Variants in IFT80 observed in about 807,000 individuals in gnomAD.
IFT80 encodes the protein intraflagellar transport 80.
IFT80 carries 79 observed loss-of-function variants against 107.9 expected under a neutral mutation model. That is an observed-to-expected ratio of 0.73 (90% CI 0.61 to 0.88). The LOEUF (loss-of-function observed/expected upper bound fraction) is 0.88, where lower values mean the gene tolerates loss of function less well. Ranked by LOEUF, IFT80 falls within the 40% of genes least tolerant of loss-of-function variation. IFT80 has a pLI of 0.00. For missense variants in IFT80, 797 were observed against 914.2 expected (o/e 0.87, Z 1.65); for synonymous variants, 299 against 300.9 (o/e 0.99, Z 0.07).
chr3:160,323,332 A>G (rs1275752314), intron 8 of IFT80, among the ~76,000 whole-genome samples: 1 of 150,574 alleles, frequency 6.6e-6, no homozygotes, highest in Non-Finnish European at 1.5e-5. Flanking sequence ...GGTTTGTCAA[A>G]GATCAGATAG....
intron 9 of IFT80, among the ~76,000 whole-genome samples, chr3:160,312,001 T>G (rs1229505519): frequency 6.6e-6 from 1 of 152,198 alleles, no homozygotes; most frequent in East Asian, 1.9e-4. Flanking sequence ...CAGGATGGCC[T>G]CGATCTCCTG....
intron 5 of IFT80, among the ~76,000 whole-genome samples, chr3:160,372,926 C>T (rs546286679): frequency 4.7e-4 from 71 of 152,072 alleles, no homozygotes; most frequent in Non-Finnish European, 9.3e-4. Context: ...CATCACCATC[C>T]CCTCTCTAAA....
intron 5 of IFT80, among the ~76,000 whole-genome samples, chr3:160,375,513 C>T (rs1306975365): frequency 6.6e-6 from 1 of 152,018 alleles, no homozygotes; most frequent in South Asian, 2.1e-4. Flanking sequence ...ATGCTTCAAA[C>T]GTTTCACAAT....
At chr3:160,303,857 A>G (rs895956672) in intron 11 of IFT80, 58 bp downstream of exon 11, 3 of 1,029,062 alleles carry the variant, frequency 2.9e-6, no homozygotes, top group African/African-American at 1.6e-5. Context: ...TTTATTAAAG[A>G]GTGCTTTAAT....
At chr3:160,297,894 T>C (rs1716111082) in intron 12 of IFT80, among the ~76,000 whole-genome samples, 1 of 152,134 alleles carries the variant, frequency 6.6e-6, no homozygotes, top group South Asian at 2.1e-4. Context: ...TGTTTTTCAG[T>C]GTTAACATGT....
chr3:160,261,552 C>T (rs1712833192), intron 19 of IFT80, among the ~76,000 whole-genome samples: 1 of 150,000 alleles, frequency 6.7e-6, no homozygotes, highest in Non-Finnish European at 1.5e-5. Context: ...CATCAGTTTA[C>T]TTCACGGGAG....
intron 5 of IFT80, among the ~76,000 whole-genome samples, chr3:160,370,362 T>C (rs1722148827): frequency 6.6e-6 from 1 of 150,706 alleles, no homozygotes. Context: ...TTGTTCATAG[T>C]AGTAGCCATT....
intron 8 of IFT80, among the ~76,000 whole-genome samples, chr3:160,332,986 G>A (rs1216802185): frequency 6.6e-6 from 1 of 152,150 alleles, no homozygotes; most frequent in Non-Finnish European, 1.5e-5. Flanking sequence ...GAACATCATA[G>A]AGCGTACTTA....
At chr3:160,326,412 T>C (rs950317620) in intron 8 of IFT80, among the ~76,000 whole-genome samples, 2 of 152,114 alleles carry the variant, frequency 1.3e-5, no homozygotes, top group Non-Finnish European at 2.9e-5. Context: ...TGACCATCAA[T>C]GCAATAATCC....
At chr3:160,296,669 C>A (rs1272518746) in intron 12 of IFT80, among the ~76,000 whole-genome samples, 1 of 151,994 alleles carries the variant, frequency 6.6e-6, no homozygotes, top group Non-Finnish European at 1.5e-5. Flanking sequence ...CCTACCCATT[C>A]TTCAACCTAT....
chr3:160,367,628 TAA>T (rs1202161731), intron 5 of IFT80, among the ~76,000 whole-genome samples: 7 of 152,086 alleles, frequency 4.6e-5, no homozygotes, highest in African/African-American at 1.4e-4. Flanking sequence ...ATAACTAGCA[TAA>T]AGTTTACTTC....
In IFT80 at chr3:160,307,671, G is replaced by T; in HGVS notation, c.1068C>A (p.Tyr356Ter). ...AAATGCAAGATGCTTACGAGAACAC[G>T]TAACATTGAAGAGACGTTGAAACAA... The part of the protein sequence containing the change: ...HLVVSTSLQC[Y>*]VFSTKNWNTP... The change falls in exon 10 of 20, where the codon TAC (tyrosine) becomes TAA (stop). Residue 356 changes from tyrosine to a stop codon, truncating the protein, a stop_gained. Transcript: ENST00000326448. LOFTEE classifies it high-confidence loss of function. 1 of 1,501,228 alleles carries T rather than the reference G, an allele frequency of 6.7e-7. No individual in the cohort carries two copies. Among genetic ancestry groups the T allele is most frequent in the East Asian group, 2.3e-5 (1 of 44,316 alleles). The allele number at this position is 1,501,228 out of a possible 1,614,324, so 93.0% of individuals were successfully genotyped here.
intron 9 of IFT80, among the ~76,000 whole-genome samples, chr3:160,312,584 A>ATATATATAATAAATATATAT: frequency 1.0e-5 from 1 of 98,748 alleles, no homozygotes; most frequent in African/African-American, 3.9e-5. Flanking sequence ...TATATATATA[A>ATATATATAATAAATATATAT]TATATATAAT....
chr3:160,265,176 G>A (rs1275554147), intron 19 of IFT80, among the ~76,000 whole-genome samples: 1 of 152,138 alleles, frequency 6.6e-6, no homozygotes, highest in African/African-American at 2.4e-5. Flanking sequence ...CAAGCACTAA[G>A]GAGAAAACAC....
chr3:160,294,747 C>T (rs1260766602), intron 12 of IFT80, among the ~76,000 whole-genome samples: 3 of 152,186 alleles, frequency 2.0e-5, no homozygotes, highest in Non-Finnish European at 4.4e-5. Flanking sequence ...CAAACACTTG[C>T]TTTGGGAGCT....
intron 19 of IFT80, among the ~76,000 whole-genome samples, chr3:160,262,747 A>G (rs1712959266): frequency 6.6e-6 from 1 of 152,146 alleles, no homozygotes; most frequent in South Asian, 2.1e-4. Context: ...GAGCTCTTCC[A>G]TTTGCTGCAG....
At chr3:160,378,208 CTTTAT>C (rs1712182526) in intron 3 of IFT80, among the ~76,000 whole-genome samples, 1 of 150,880 alleles carries the variant, frequency 6.6e-6, no homozygotes, top group South Asian at 2.1e-4. Flanking sequence ...GGTTCTTCTC[CTTTAT>C]ACCTTTTCCA....
At chr3:160,290,421 AAAAG>A (rs1715460474) in intron 12 of IFT80, among the ~76,000 whole-genome samples, 1 of 150,796 alleles carries the variant, frequency 6.6e-6, no homozygotes, top group Non-Finnish European at 1.5e-5. Context: ...CAGAAAAAAA[AAAAG>A]AAAAAAAAAA....
intron 13 of IFT80, among the ~76,000 whole-genome samples, chr3:160,284,992 T>C (rs974465054): frequency 6.6e-6 from 1 of 152,142 alleles, no homozygotes; most frequent in Admixed American, 6.5e-5. Context: ...TAACACTGTA[T>C]ACTTTTTAAT....
Sources: gnomAD v4.1 joint callset for allele counts (sites outside exome capture counted in the v4.1 genomes callset) on GRCh38, gnomAD v4.1.1 for gene constraint, MANE v1.5 for transcripts, NCBI Gene and HGNC (gene_info 2026-07-23, HGNC 2026-07-21) for gene names.